The following GRIN2B variants were observed in gnomAD, a reference collection of about 807,000 sequenced individuals.
The protein encoded by GRIN2B is glutamate ionotropic receptor NMDA type subunit 2B, also known as glutamate receptor ionotropic, NMDA 2B.
GRIN2B carries 5 observed loss-of-function variants against 114.5 expected under a neutral mutation model. The ratio of observed to expected loss-of-function variants is 0.04; its 90% CI spans 0.02 to 0.09. GRIN2B has a LOEUF of 0.09. GRIN2B is among the 10% of genes least tolerant of loss of function. The pLI is 1.00. For synonymous variants in GRIN2B, 787 were observed against 745.1 expected, an observed-to-expected ratio of 1.06 and a Z score of -0.92; for missense variants, 1,108 against 1,943.5, an observed-to-expected ratio of 0.57 and a Z score of 8.08.
chr12:13,583,823 A>G (rs1427854689), intron 10 of GRIN2B, among the ~76,000 whole-genome samples: 2 of 152,086 alleles, frequency 1.3e-5, no homozygotes, highest in Non-Finnish European at 2.9e-5. Context: ...CCTAGATAGA[A>G]ACCATCCCAT....
At chr12:13,947,354 G>C (rs1465819045) in intron 2 of GRIN2B, among the ~76,000 whole-genome samples, 2 of 152,180 alleles carry the variant, frequency 1.3e-5, no homozygotes, top group Non-Finnish European at 2.9e-5. Flanking sequence ...AATGTAGGCT[G>C]CATGTTGCTT....
chr12:13,791,460 A>T lies in GRIN2B; in HGVS notation c.412-37545T>A, dbSNP rs532517967. ...GAGCGAGACTCTGTCTCAAAAAAAAAAATAAAAAAAAAAAATTCCATGTCA... is the reference window on the plus strand; with the variant it reads ...GAGCGAGACTCTGTCTCAAAAAAAATAATAAAAAAAAAAAATTCCATGTCA... On this transcript the variant is annotated intron_variant, in intron 3 of 13. Transcript: ENST00000609686. Among the ~76,000 whole-genome samples the T allele has an allele frequency of 2.1e-3, 278 of 132,544 alleles. 4 individuals carry two copies. In the South Asian group the frequency reaches 0.029, roughly 14 times the overall value. The allele number at this position is 132,544 out of a possible 152,430, so 87.0% of individuals were successfully genotyped here.
At chr12:13,816,595 G>A (rs1423183354) in intron 3 of GRIN2B, among the ~76,000 whole-genome samples, 1 of 152,112 alleles carries the variant, frequency 6.6e-6, no homozygotes. Context: ...CCATAGCACT[G>A]CCATGGAAAC....
intron 4 of GRIN2B, among the ~76,000 whole-genome samples, chr12:13,713,850 C>T (rs973530200): frequency 6.6e-6 from 1 of 151,824 alleles, no homozygotes; most frequent in African/African-American, 2.4e-5. Flanking sequence ...TTTAGTCTGC[C>T]TGGCTGGAGA....
chr12:13,903,977 A>G (rs1202412066), intron 2 of GRIN2B, among the ~76,000 whole-genome samples: 1 of 152,032 alleles, frequency 6.6e-6, no homozygotes, highest in Non-Finnish European at 1.5e-5. Flanking sequence ...TGATGTTAAT[A>G]TAGGTATATT....
chr12:13,555,081 C>A lies in GRIN2B; in HGVS notation c.*7702G>T, dbSNP rs973622977. On this transcript the variant is annotated 3_prime_UTR_variant, in exon 14 of 14. Coordinates refer to ENST00000609686, the MANE Select transcript of GRIN2B (RefSeq NM_000834.5). ...ATCATAGAAGACAGAAAGATTGCTA[C>A]AGAAGCATTAAGATAAGGAGAAGAG... 1 of 152,054 alleles carries A rather than the reference C, an allele frequency of 6.6e-6. No homozygotes were observed. Among genetic ancestry groups the A allele is most frequent in the African/African-American group, 2.4e-5 (1 of 41,416 alleles). 9.4% of individuals were successfully genotyped at this position (152,054 alleles called of 1,614,324 possible).
At chr12:13,667,986 C>T (rs1249520060) in intron 5 of GRIN2B, among the ~76,000 whole-genome samples, 1 of 152,042 alleles carries the variant, frequency 6.6e-6, no homozygotes, top group Non-Finnish European at 1.5e-5. Flanking sequence ...TCTTCAACAC[C>T]AGTACTGGAA....
At chr12:13,867,230 G>A (rs192085318) in intron 2 of GRIN2B, among the ~76,000 whole-genome samples, 16 of 152,004 alleles carry the variant, frequency 1.1e-4, no homozygotes, top group Admixed American at 3.9e-4. Flanking sequence ...GACTGATACC[G>A]TATTTTCATA....
In GRIN2B at chr12:13,893,944, A is replaced by C. The variant is rs374012578; in HGVS notation, c.-18-27718T>G. ...TAGATATGAGCAGAAAATTCACAAAAGAGAAACCACAATGAAGAAACCTGG... is the reference window on the plus strand; with the variant it reads ...TAGATATGAGCAGAAAATTCACAAACGAGAAACCACAATGAAGAAACCTGG... On this transcript the variant is annotated intron_variant, in intron 2 of 13. Coordinates refer to ENST00000609686, the MANE Select transcript of GRIN2B (RefSeq NM_000834.5). 1.0e-3 allele frequency among the ~76,000 whole-genome samples: 155 copies of C among 152,252 alleles called. 3 individuals carry two copies. In the South Asian group the frequency reaches 0.026, roughly 26 times the overall value.
intron 3 of GRIN2B, among the ~76,000 whole-genome samples, chr12:13,824,992 T>C (rs578134012): frequency 1.3e-5 from 2 of 152,252 alleles, no homozygotes; most frequent in South Asian, 4.1e-4. Context: ...CTTCTTTCTC[T>C]AGATTCCTAA....
chr12:13,719,951 G>A (rs1950492138), intron 4 of GRIN2B, among the ~76,000 whole-genome samples: 2 of 151,984 alleles, frequency 1.3e-5, no homozygotes, highest in Admixed American at 1.3e-4. Context: ...TACCTTGTAA[G>A]CCTTTAAACA....
intron 3 of GRIN2B, among the ~76,000 whole-genome samples, chr12:13,779,508 A>G (rs938026477): frequency 1.3e-5 from 2 of 152,372 alleles, no homozygotes; most frequent in African/African-American, 4.8e-5. Flanking sequence ...ATTAAAATAA[A>G]TAAAATGAAA....
intron 3 of GRIN2B, among the ~76,000 whole-genome samples, chr12:13,763,539 C>G (rs1271865379): frequency 6.6e-6 from 1 of 152,204 alleles, no homozygotes; most frequent in Admixed American, 6.5e-5. Context: ...CAGATGCCAG[C>G]TGGGGTCTGA....
chr12:13,897,128 G>A (rs534367045), intron 2 of GRIN2B, among the ~76,000 whole-genome samples: 2 of 151,906 alleles, frequency 1.3e-5, no homozygotes, highest in African/African-American at 4.8e-5. Flanking sequence ...CCTCCTACTC[G>A]CAACGCATCG....
chr12:13,692,455 C>A (rs536821002), intron 4 of GRIN2B, among the ~76,000 whole-genome samples: 13 of 152,202 alleles, frequency 8.5e-5, no homozygotes, highest in African/African-American at 3.1e-4. Context: ...GGATTTCTGG[C>A]TGGGTGGGGC....
intron 4 of GRIN2B, among the ~76,000 whole-genome samples, chr12:13,740,907 G>A (rs1863271790): frequency 6.6e-6 from 1 of 152,200 alleles, no homozygotes; most frequent in African/African-American, 2.4e-5. Flanking sequence ...CAGAGAGTGA[G>A]ATGAGCAGGT....
At chr12:13,617,869 T>C (rs1949463874) in intron 5 of GRIN2B, among the ~76,000 whole-genome samples, 1 of 152,190 alleles carries the variant, frequency 6.6e-6, no homozygotes, top group African/African-American at 2.4e-5. Context: ...GACTCCCTCC[T>C]TCTTGGTTTC....
intron 4 of GRIN2B, among the ~76,000 whole-genome samples, chr12:13,717,655 G>A (rs1950468650): frequency 6.6e-6 from 1 of 151,846 alleles, no homozygotes; most frequent in African/African-American, 2.4e-5. Context: ...CATAACAGAT[G>A]GTTGTCTTAT....
intron 11 of GRIN2B, among the ~76,000 whole-genome samples, chr12:13,571,193 T>A (rs1948704006): frequency 6.6e-6 from 1 of 152,174 alleles, no homozygotes; most frequent in South Asian, 2.1e-4. Context: ...CCAACATCTA[T>A]AATGCTCTGT....
Sources: gnomAD v4.1 joint callset for allele counts (sites outside exome capture counted in the v4.1 genomes callset) on GRCh38, gnomAD v4.1.1 for gene constraint, MANE v1.5 for transcripts, NCBI Gene and HGNC (gene_info 2026-07-23, HGNC 2026-07-21) for gene names.